NELL1: variants seen among roughly 807,000 people sequenced by gnomAD.
NELL1 encodes the protein neural EGFL like 1.
NELL1 carries 76 observed loss-of-function variants against 107.4 expected under a neutral mutation model. The observed-to-expected ratio is 0.71, with a 90% CI of 0.59 to 0.86. The LOEUF (loss-of-function observed/expected upper bound fraction) is 0.86, where lower values mean the gene tolerates loss of function less well. Among genes scored for constraint, NELL1 ranks in the 40% least tolerant of loss-of-function variants. NELL1 has a pLI of 0.00. For synonymous variants in NELL1, 353 were observed against 341.2 expected (o/e 1.03, Z -0.38); for missense variants, 1,024 against 1,005.5 (o/e 1.02, Z -0.25).
chr11:20,722,079 G>C (rs928649460), intron 2 of NELL1, among the ~76,000 whole-genome samples: 1 of 150,172 alleles, frequency 6.7e-6, no homozygotes, highest in Non-Finnish European at 1.5e-5. Flanking sequence ...GGAATGCAGT[G>C]GTGTGGATCT....
Position 20,824,102 on chromosome 11 carries a change from C to A in NELL1, c.336-23481C>A, listed in dbSNP as rs905853406. ...GATTAGATCATGGAGGTGATTCCCCCCATGCTGTTCTCATGATAGTGAATG... is the reference window on the plus strand; with the variant it reads ...GATTAGATCATGGAGGTGATTCCCCACATGCTGTTCTCATGATAGTGAATG... On this transcript the variant is annotated intron_variant, in intron 3 of 19. Coordinates refer to ENST00000357134, the MANE Select transcript of NELL1 (RefSeq NM_006157.5). 1.3e-5 allele frequency among the ~76,000 whole-genome samples: 2 copies of A among 151,020 alleles called. 1 individual carries two copies. The highest frequency in any genetic ancestry group is 4.8e-5 in the African/African-American group (2 of 41,302).
At chr11:20,783,605 C>G (rs1050836168) in intron 2 of NELL1, 75 bp from the exon 3 acceptor site, 5 of 1,053,004 alleles carry the variant, frequency 4.7e-6, no homozygotes, top group East Asian at 5.1e-5. Context: ...CCTCTTTCTC[C>G]TATATTTCTT....
At chr11:21,122,975 A>G (rs1855403892) in intron 13 of NELL1, among the ~76,000 whole-genome samples, 1 of 152,180 alleles carries the variant, frequency 6.6e-6, no homozygotes, top group African/African-American at 2.4e-5. Flanking sequence ...TATTTTCAGT[A>G]TGATAGTTTT....
intron 12 of NELL1, among the ~76,000 whole-genome samples, chr11:21,100,650 CA>C (rs1367616215): frequency 2.0e-5 from 3 of 152,138 alleles, no homozygotes; most frequent in Non-Finnish European, 4.4e-5. Context: ...ACTTGTACAC[CA>C]ATGTTGCAGC....
At chr11:21,246,886 C>G (rs929710994) in intron 14 of NELL1, among the ~76,000 whole-genome samples, 4 of 152,200 alleles carry the variant, frequency 2.6e-5, no homozygotes, top group East Asian at 3.9e-4. Context: ...TCAGCTCTTG[C>G]GAGATTTATT....
chr11:20,960,123 A>G (rs529103998), intron 11 of NELL1, among the ~76,000 whole-genome samples: 1 of 152,232 alleles, frequency 6.6e-6, no homozygotes, highest in South Asian at 2.1e-4. Context: ...ACAAGAAAAC[A>G]AAATTATAAA....
intron 2 of NELL1, chr11:20,773,501 CT>C (rs879319989): frequency 1.0e-3 from 146 of 141,806 alleles, no homozygotes; most frequent in South Asian, 1.1e-3. Flanking sequence ...TTTTTTTTTT[CT>C]TTTTTTTTTT....
In NELL1 at chr11:21,175,933, G is replaced by A. The variant is rs141269282; in HGVS notation, c.1427-53399G>A. Among the ~76,000 whole-genome samples the A allele has an allele frequency of 7.9e-4, 120 of 151,928 alleles. 8 individuals carry two copies. Among genetic ancestry groups the A allele is most frequent in the African/African-American group, 2.7e-3 (112 of 41,214 alleles). Reference sequence around the variant, plus strand: ...TCCTTCTTGCTTATCTAACCTAGATGTCTGTGTTTTCCTTCATGGCAAACA... The same window carrying A: ...TCCTTCTTGCTTATCTAACCTAGATATCTGTGTTTTCCTTCATGGCAAACA... On this transcript the variant is annotated intron_variant, in intron 13 of 19. Coordinates refer to ENST00000357134, the MANE Select transcript of NELL1 (RefSeq NM_006157.5).
intron 13 of NELL1, among the ~76,000 whole-genome samples, chr11:21,156,348 A>G (rs1486012794): frequency 6.6e-6 from 1 of 152,202 alleles, no homozygotes. Context: ...CCTCTGCCAG[A>G]GTAGAGAAGG....
At chr11:20,890,200 G>A (rs540175030) in intron 5 of NELL1, among the ~76,000 whole-genome samples, 2 of 152,192 alleles carry the variant, frequency 1.3e-5, no homozygotes, top group East Asian at 3.9e-4. Flanking sequence ...TCCAGGCATG[G>A]GAGTGAAGCA....
At chr11:20,863,906 G>A (rs150688001) in intron 4 of NELL1, among the ~76,000 whole-genome samples, 279 of 152,296 alleles carry the variant, frequency 1.8e-3, no homozygotes, top group Middle Eastern at 6.8e-3. Context: ...AGGAGCTGGA[G>A]ACCAGCCCGG....
intron 12 of NELL1, among the ~76,000 whole-genome samples, chr11:21,105,681 C>G (rs994396168): frequency 2.1e-4 from 32 of 152,052 alleles, no homozygotes; most frequent in African/African-American, 7.7e-4. Context: ...GATTTTGGTG[C>G]TGCTTTTCAT....
At chr11:21,499,592 A>G (rs529039390) in intron 15 of NELL1, among the ~76,000 whole-genome samples, 62 of 152,286 alleles carry the variant, frequency 4.1e-4, no homozygotes, top group African/African-American at 1.5e-3. Flanking sequence ...AACCAGAGAT[A>G]CTATGAGTTG....
chr11:20,693,175 T>A (rs1489776672), intron 2 of NELL1, among the ~76,000 whole-genome samples: 3 of 151,906 alleles, frequency 2.0e-5, no homozygotes, highest in Non-Finnish European at 2.9e-5. Flanking sequence ...TGAGCCTATG[T>A]GTGTCTCTGC....
intron 14 of NELL1, among the ~76,000 whole-genome samples, chr11:21,321,936 T>A (rs1850019816): frequency 6.6e-6 from 1 of 152,210 alleles, no homozygotes; most frequent in East Asian, 1.9e-4. Flanking sequence ...ACTTCTATAC[T>A]CTATTGTTTC....
chr11:20,830,421 C>T (rs747146799), intron 3 of NELL1, among the ~76,000 whole-genome samples: 9 of 150,880 alleles, frequency 6.0e-5, no homozygotes, highest in Non-Finnish European at 1.2e-4. Flanking sequence ...CTTCTGCCCT[C>T]TGCCTCCTGG....
intron 5 of NELL1, among the ~76,000 whole-genome samples, chr11:20,908,585 G>A (rs1433793333): frequency 6.6e-6 from 1 of 151,850 alleles, no homozygotes; most frequent in Non-Finnish European, 1.5e-5. Flanking sequence ...GGAATTTAGA[G>A]GACAGGTCAA....
intron 15 of NELL1, among the ~76,000 whole-genome samples, chr11:21,465,065 G>A (rs1395966891): frequency 1.3e-5 from 2 of 152,036 alleles, no homozygotes; most frequent in African/African-American, 2.4e-5. Context: ...CCCAGTAAAT[G>A]TTTGGTGAGT....
At chr11:21,450,865 A>G (rs898912880) in intron 15 of NELL1, among the ~76,000 whole-genome samples, 2 of 152,082 alleles carry the variant, frequency 1.3e-5, no homozygotes, top group African/African-American at 4.8e-5. Flanking sequence ...CATACATTTT[A>G]TTAAATAACT....
Sources: allele counts gnomAD v4.1 joint callset (sites outside exome capture counted in the v4.1 genomes callset), GRCh38; gene constraint gnomAD v4.1.1; transcripts MANE v1.5; gene names NCBI Gene and HGNC (gene_info 2026-07-23, HGNC 2026-07-21).